Variants in VWA1 observed in about 807,000 individuals in gnomAD.
The protein encoded by VWA1 is von Willebrand factor A domain containing 1.
In VWA1, 12 loss-of-function variants were observed where a neutral mutation model predicts 14.9. The observed-to-expected ratio is 0.80, with a 90% CI of 0.52 to 1.30. The LOEUF (loss-of-function observed/expected upper bound fraction) is 1.30, where lower values mean the gene tolerates loss of function less well. VWA1 is among the 50% of genes most tolerant of loss of function. The pLI is 0.00. For missense variants in VWA1, 800 were observed against 649.1 expected (o/e 1.23, Z -2.53); for synonymous variants, 368 against 310.7 (o/e 1.18, Z -1.94).
Position 1,437,354 on chromosome 1 carries a change from T to C in VWA1, c.501T>C (p.Ile167=), listed in dbSNP as rs755821564. The change falls in exon 2 of 3, where the codon ATT becomes ATC. Residue 167 remains isoleucine (I), a synonymous_variant. Transcript: ENST00000476993. ...AGGACCTGGGCGTCACCGTGTTCAT[T>C]GTCAGCACCGGCCGAGGCAACTTCC... ...ELKDLGVTVF[I]VSTGRGNFLE... is the part of the protein sequence containing the mutation. 2 of 1,612,746 alleles carry C rather than the reference T, an allele frequency of 1.2e-6. No homozygotes were observed. Among genetic ancestry groups the C allele is most frequent in the South Asian group, 1.1e-5 (1 of 91,048 alleles).
At position 1,439,722 on chromosome 1, in the gene VWA1, C is replaced by G. The variant is rs1441525886; in HGVS notation, c.1273C>G (p.Pro425Ala). Residue 425 changes from proline to alanine, a missense_variant, in exon 3 of 3, where the codon CCG becomes GCG. By Grantham distance (27) the Pro-to-Ala change is conservative. Coordinates refer to ENST00000476993, the MANE Select transcript of VWA1 (RefSeq NM_022834.5). The part of the protein sequence containing the change: ...LSAKACTPDG[P>A]RPRPRPVPRA... The stretch of plus-strand genomic sequence containing the variant: ...CGCCAAGGCCTGCACGCCCGACGGC[C>G]CGCGCCCGCGCCCACGCCCCGTGCC... 3 of 1,132,374 alleles carry G rather than the reference C, an allele frequency of 2.6e-6. No individual in the cohort carries two copies. Among genetic ancestry groups the G allele is most frequent in the Non-Finnish European group, 3.2e-6 (3 of 923,544 alleles). The allele number at this position is 1,132,374 out of a possible 1,614,324, so 70.1% of individuals were successfully genotyped here. A position where few individuals can be genotyped will look rare whatever the true frequency, so the allele number is the denominator to read the frequency against.
chr1:1,436,544 G>A (rs1240199308), intron 1 of VWA1, among the ~76,000 whole-genome samples: 2 of 152,212 alleles, frequency 1.3e-5, no homozygotes, highest in Non-Finnish European at 2.9e-5. Context: ...TCCAGCCTCA[G>A]GCTGCTCCTC....
chr1:1,435,915 A>C, intron 1 of VWA1, 94 bp downstream of exon 1: 8 of 218,834 alleles, frequency 3.7e-5, no homozygotes, highest in Non-Finnish European at 5.2e-5. Context: ...CCTGCTCCGG[A>C]CGGGCGGGCG....
Position 1,437,500 on chromosome 1 carries a change from C to A in VWA1, c.631+16C>A. 1 of 1,585,210 alleles carries A rather than the reference C, an allele frequency of 6.3e-7. No homozygotes were observed. The highest frequency in any genetic ancestry group is 8.6e-7 in the Non-Finnish European group (1 of 1,162,910). On this transcript the variant is annotated intron_variant, in intron 2 of 2. Transcript: ENST00000476993. The stretch of plus-strand genomic sequence containing the variant: ...TCCATTCTCGGTATGCGGGAGGAGG[C>A]AGGGCCCAGGGAGCCCTAGCTGGGA...
Position 1,439,181 on chromosome 1 carries a change from G to A in VWA1, c.732G>A (p.Val244=), listed in dbSNP as rs775263489. Residue 244 remains valine, a synonymous_variant, in exon 3 of 3, where the codon GTG becomes GTA. Coordinates refer to ENST00000476993, the MANE Select transcript of VWA1 (RefSeq NM_022834.5). ...TGACCGCAGACTCGGGCTACTATGTGCTGGAGCTGGTGCCCAGCGCCCAGC... is the reference window on the plus strand; with the variant it reads ...TGACCGCAGACTCGGGCTACTATGTACTGGAGCTGGTGCCCAGCGCCCAGC... ...PLLTADSGYY[V]LELVPSAQPG... 2.5e-6 allele frequency: 4 copies of A among 1,605,700 alleles called. No homozygotes were observed. In the South Asian group the frequency reaches 3.3e-5, roughly 13 times the overall value.
chr1:1,436,047 G>T (rs949510334), intron 1 of VWA1, among the ~76,000 whole-genome samples: 1 of 151,740 alleles, frequency 6.6e-6, no homozygotes, highest in Non-Finnish European at 1.5e-5. Context: ...GGCCGTCCCG[G>T]CCCGCATCTC....
intron 1 of VWA1, chr1:1,436,706 AAC>A (rs961796289): frequency 5.6e-6 from 3 of 539,108 alleles, no homozygotes; most frequent in Admixed American, 3.5e-5. Context: ...CAGATGGGAT[AAC>A]ACAAGCCCAG....
In VWA1 at chr1:1,437,541, G is replaced by A. The variant is rs370320677; in HGVS notation, c.631+57G>A. On this transcript the variant is annotated intron_variant, in intron 2 of 2. Coordinates refer to ENST00000476993, the MANE Select transcript of VWA1 (RefSeq NM_022834.5). ...CTAGCTGGGAGCCGCAGAAGGAGAG[G>A]CTGGGTTGAGACTTTGGGAAGATCT... The A allele has an allele frequency of 3.0e-5, 47 of 1,545,156 alleles. No homozygotes were observed. In the East Asian group the frequency reaches 3.6e-4, roughly 12 times the overall value.
In VWA1 at chr1:1,439,105, A is replaced by G. The variant is rs186116641; in HGVS notation, c.656A>G (p.His219Arg). 2.3e-5 allele frequency: 37 copies of G among 1,599,658 alleles called. No homozygotes were observed. In the East Asian group the frequency reaches 4.9e-4, roughly 21 times the overall value. ...GACGCGATGCGGCCGCAGCAGCTCC[A>G]TGCCACGGAGATCACGTCCAGCGGC... is the stretch of plus-strand genomic sequence containing the variant. ...ILDAMRPQQL[H>R]ATEITSSGFR... The change falls in exon 3 of 3, where the codon CAT becomes CGT. Residue 219 changes from histidine (H) to arginine (R), a missense_variant. By Grantham distance (29) the His-to-Arg change is conservative. Transcript: ENST00000476993.
At chr1:1,438,144 C>G (rs976399734) in intron 2 of VWA1, among the ~76,000 whole-genome samples, 2 of 152,184 alleles carry the variant, frequency 1.3e-5, no homozygotes, top group African/African-American at 4.8e-5. Context: ...AAATGCCAAC[C>G]CTGGGGATCT....
Position 1,437,152 on chromosome 1 carries a change from C to A in VWA1, c.299C>A (p.Ala100Glu). The A allele has an allele frequency of 6.2e-7, 1 of 1,607,370 alleles. No homozygotes were observed. Among genetic ancestry groups the A allele is most frequent in the Non-Finnish European group, 8.5e-7 (1 of 1,176,156 alleles). The change falls in exon 2 of 3, where the codon GCG becomes GAG. Residue 100 changes from alanine to glutamate, a missense_variant. Ala to Glu is a moderately radical substitution (Grantham distance 107). Transcript: ENST00000476993. ...QHSSGEAAQD[A>E]VRASAQRMGD... Reference sequence around the variant, plus strand: ...AGCTCGGGTGAGGCTGCCCAGGATGCGGTGCGTGCTTCTGCCCAGCGCATG... The same window carrying A: ...AGCTCGGGTGAGGCTGCCCAGGATGAGGTGCGTGCTTCTGCCCAGCGCATG...
At chr1:1,438,530 G>A (rs749381976) in intron 2 of VWA1, among the ~76,000 whole-genome samples, 2 of 152,160 alleles carry the variant, frequency 1.3e-5, no homozygotes, top group Non-Finnish European at 2.9e-5. Context: ...GTCACTCAGA[G>A]GGCTATGTGG....
In VWA1 at chr1:1,439,349, C is replaced by T; in HGVS notation, c.900C>T (p.Arg300=). 2 of 1,555,616 alleles carry T rather than the reference C, an allele frequency of 1.3e-6. No individual in the cohort carries two copies. The highest frequency in any genetic ancestry group is 1.7e-6 in the Non-Finnish European group (2 of 1,157,266). The change falls in exon 3 of 3, where the codon CGC becomes CGT. Residue 300 remains arginine (R), a synonymous_variant. Coordinates refer to ENST00000476993, the MANE Select transcript of VWA1 (RefSeq NM_022834.5). The part of the protein sequence containing the change: ...RLLRPQILRV[R]TRPGEAGPGA... ...TGAGGCCCCAGATCCTGCGGGTGCG[C>T]ACGCGGCCCGGTGAGGCAGGGCCGG...
rs746543044 is a variant in VWA1, at chr1:1,439,449, G to C, written c.1000G>C (p.Gly334Arg). 1 of 1,412,452 alleles carries C rather than the reference G, an allele frequency of 7.1e-7. No homozygotes were observed. 87.5% of individuals were successfully genotyped at this position (1,412,452 alleles called of 1,614,324 possible). Residue 334 changes from glycine to arginine, a missense_variant, in exon 3 of 3, where the codon GGG becomes CGG. Gly to Arg is a moderately radical substitution (Grantham distance 125, BLOSUM62 -2). Coordinates refer to ENST00000476993, the MANE Select transcript of VWA1 (RefSeq NM_022834.5). ...LAALPAPEEA[G>R]PERIVISHAR... ...CGCCCTCCCCGCCCCAGAGGAGGCC[G>C]GGCCAGAGCGCATCGTCATCTCCCA...
At chr1:1,435,862 G>A in intron 1 of VWA1, 41 bp downstream of exon 1, 1 of 1,093,202 alleles carries the variant, frequency 9.1e-7, no homozygotes, top group Non-Finnish European at 1.1e-6. Flanking sequence ...GGGGCTTCTG[G>A]TGACCGCTCT....
At position 1,437,127 on chromosome 1, in the gene VWA1, A is replaced by G; in HGVS notation, c.274A>G (p.Ser92Gly). ...CACCGAGTTCCCCTTCGGCCAGCAC[A>G]GCTCGGGTGAGGCTGCCCAGGATGC... Reference protein sequence around the residue: ...PYTEFPFGQHSSGEAAQDAVR... With the variant: ...PYTEFPFGQHGSGEAAQDAVR... Residue 92 changes from serine to glycine, a missense_variant, in exon 2 of 3, where the codon AGC (serine) becomes GGC (glycine). Physicochemically the swap from Ser to Gly is moderately conservative, Grantham distance 56. Coordinates refer to ENST00000476993, the MANE Select transcript of VWA1 (RefSeq NM_022834.5). The G allele has an allele frequency of 6.2e-7, 1 of 1,606,370 alleles. No homozygotes were observed. The highest frequency in any genetic ancestry group is 1.3e-5 in the African/African-American group (1 of 74,952).
Position 1,442,828 on chromosome 1 carries a change from C to T in VWA1, c.*3041C>T, listed in dbSNP as rs986768424. On this transcript the variant is annotated 3_prime_UTR_variant, in exon 3 of 3. Transcript: ENST00000476993. Reference sequence around the variant, plus strand: ...CGCTGCTGGGAGCCACCTAGGGAAGCAGGTCGCCTGTTTCTATAGTGACGG... The same window carrying T: ...CGCTGCTGGGAGCCACCTAGGGAAGTAGGTCGCCTGTTTCTATAGTGACGG... 6 of 24,998 alleles carry T rather than the reference C, an allele frequency of 2.4e-4. No homozygotes were observed. The highest frequency in any genetic ancestry group is 3.9e-4 in the Non-Finnish European group (5 of 12,880). 1.5% of individuals were successfully genotyped at this position (24,998 alleles called of 1,614,324 possible). A position where few individuals can be genotyped will look rare whatever the true frequency, so the allele number is the denominator to read the frequency against.
In VWA1 at chr1:1,439,333, A is replaced by G; in HGVS notation, c.884A>G (p.Gln295Arg). The change falls in exon 3 of 3, where the codon CAG becomes CGG. Residue 295 changes from glutamine to arginine, a missense_variant. Gln to Arg is a conservative substitution (Grantham distance 43). Coordinates refer to ENST00000476993, the MANE Select transcript of VWA1 (RefSeq NM_022834.5). ...PESNVRLLRP[Q>R]ILRVRTRPGE... ...TCCAACGTGCGCCTCCTGAGGCCCC[A>G]GATCCTGCGGGTGCGCACGCGGCCC... The G allele has an allele frequency of 6.3e-7, 1 of 1,578,142 alleles. No homozygotes were observed. Among genetic ancestry groups the G allele is most frequent in the Non-Finnish European group, 8.6e-7 (1 of 1,168,554 alleles).
Position 1,439,904 on chromosome 1 carries a change from C to G in VWA1, c.*117C>G. 2 of 1,010,954 alleles carry G rather than the reference C, an allele frequency of 2.0e-6. No homozygotes were observed. The highest frequency in any genetic ancestry group is 2.4e-6 in the Non-Finnish European group (2 of 843,186). 62.6% of individuals were successfully genotyped at this position (1,010,954 alleles called of 1,614,324 possible). A position where few individuals can be genotyped will look rare whatever the true frequency, so the allele number is the denominator to read the frequency against. On this transcript the variant is annotated 3_prime_UTR_variant, in exon 3 of 3. Transcript: ENST00000476993. ...GGTGCAGGCCCGGCCTTTCCCCACGCGGACTCCGCGCGACCCCGGCCCTCT... is the reference window on the plus strand; with the variant it reads ...GGTGCAGGCCCGGCCTTTCCCCACGGGGACTCCGCGCGACCCCGGCCCTCT...
Sources: allele counts gnomAD v4.1 joint callset (sites outside exome capture counted in the v4.1 genomes callset), GRCh38; gene constraint gnomAD v4.1.1; transcripts MANE v1.5; gene names NCBI Gene and HGNC (gene_info 2026-07-23, HGNC 2026-07-21).